The following CFAP299 variants were observed in gnomAD, a reference collection of about 807,000 sequenced individuals.
CFAP299 encodes cilia- and flagella-associated protein 299.
In CFAP299, 21 loss-of-function variants were observed where a neutral mutation model predicts 27.0. The ratio of observed to expected loss-of-function variants is 0.78; its 90% CI spans 0.55 to 1.12. CFAP299 has a LOEUF of 1.12. Among genes scored for constraint, CFAP299 ranks in the 50% most tolerant of loss-of-function variants. CFAP299 has a pLI of 0.00. For missense variants in CFAP299, 310 were observed against 276.6 expected (o/e 1.12, Z -0.86); for synonymous variants, 104 against 98.1 (o/e 1.06, Z -0.36).
At chr4:80,323,355 T>C in the CFAP299 span, among the ~76,000 whole-genome samples, 4 of 152,370 alleles carry the variant, frequency 2.6e-5, no homozygotes, top group East Asian at 1.9e-4. Flanking sequence ...CTATGACTTG[T>C]AGAAAGCTGT....
intron 3 of CFAP299, among the ~76,000 whole-genome samples, chr4:80,732,872 A>G (rs1723620277): frequency 6.6e-6 from 1 of 152,156 alleles, no homozygotes; most frequent in Non-Finnish European, 1.5e-5. Context: ...ATCTGCTGAG[A>G]GTAGTGAAAA....
chr4:80,507,687 C>A (rs542428703), intron 2 of CFAP299, among the ~76,000 whole-genome samples: 15 of 152,272 alleles, frequency 9.9e-5, no homozygotes, highest in African/African-American at 3.6e-4. Flanking sequence ...ACACGTGGAT[C>A]TGAGCAATCT....
intron 4 of CFAP299, among the ~76,000 whole-genome samples, chr4:80,881,461 CTA>C (rs1733702138): frequency 6.6e-6 from 1 of 152,100 alleles, no homozygotes. Context: ...TGGCACTGCT[CTA>C]TAAAATTGGA....
chr4:80,824,781 C>T (rs1360625384), intron 3 of CFAP299, among the ~76,000 whole-genome samples: 1 of 151,912 alleles, frequency 6.6e-6, no homozygotes, highest in Non-Finnish European at 1.5e-5. Context: ...CAAACAAAAA[C>T]AAAACCCCTG....
At chr4:80,739,612 C>T (rs565611201) in intron 3 of CFAP299, among the ~76,000 whole-genome samples, 11 of 151,570 alleles carry the variant, frequency 7.3e-5, no homozygotes, top group Non-Finnish European at 1.3e-4. Context: ...TTTTAGGTTC[C>T]TTTATTCATC....
chr4:80,636,887 G>A (rs931364219), intron 3 of CFAP299, among the ~76,000 whole-genome samples: 12 of 152,160 alleles, frequency 7.9e-5, no homozygotes, highest in Non-Finnish European at 1.5e-4. Context: ...TGTCCACCCC[G>A]AGTACAGAAA....
At chr4:80,494,092 A>G (rs959887963) in intron 2 of CFAP299, among the ~76,000 whole-genome samples, 9 of 152,070 alleles carry the variant, frequency 5.9e-5, no homozygotes, top group Non-Finnish European at 1.0e-4. Flanking sequence ...CATATTCTTG[A>G]AGTTAGCAGA....
chr4:80,423,967 C>T (rs185881139), intron 2 of CFAP299, among the ~76,000 whole-genome samples: 1 of 152,298 alleles, frequency 6.6e-6, no homozygotes, highest in African/African-American at 2.4e-5. Flanking sequence ...ACTCACCTTT[C>T]TGCAGGTGGT....
intron 4 of CFAP299, among the ~76,000 whole-genome samples, chr4:80,901,022 T>G (rs886281509): frequency 4.0e-5 from 6 of 151,856 alleles, no homozygotes; most frequent in African/African-American, 1.5e-4. Flanking sequence ...GGGTTTGCAA[T>G]AAAAAAGCTA....
intron 4 of CFAP299, among the ~76,000 whole-genome samples, chr4:80,930,642 A>G (rs773850890): frequency 2.0e-5 from 3 of 152,084 alleles, no homozygotes; most frequent in African/African-American, 4.8e-5. Flanking sequence ...GAAATCTTCT[A>G]TGTTGATTGT....
At chr4:80,631,732 T>A (rs1053489167) in intron 3 of CFAP299, among the ~76,000 whole-genome samples, 1 of 151,608 alleles carries the variant, frequency 6.6e-6, no homozygotes, top group African/African-American at 2.4e-5. Context: ...ATCTATGTCA[T>A]CATGTTTTGT....
chr4:80,666,642 C>G (rs1370563777), intron 3 of CFAP299, among the ~76,000 whole-genome samples: 1 of 152,192 alleles, frequency 6.6e-6, no homozygotes, highest in Non-Finnish European at 1.5e-5. Flanking sequence ...TTGACTCATT[C>G]AACATCATTT....
intron 2 of CFAP299, among the ~76,000 whole-genome samples, chr4:80,485,987 G>A (rs967204363): frequency 3.9e-5 from 6 of 151,966 alleles, no homozygotes; most frequent in African/African-American, 1.5e-4. Flanking sequence ...TAGAGTTGTG[G>A]TTTGGCTGCG....
chr4:80,702,046 A>G (rs1560707503), intron 3 of CFAP299, among the ~76,000 whole-genome samples: 2 of 151,932 alleles, frequency 1.3e-5, no homozygotes, highest in African/African-American at 4.8e-5. Flanking sequence ...CTGCCAGAAC[A>G]TATCTTTCCA....
intron 3 of CFAP299, among the ~76,000 whole-genome samples, chr4:80,860,667 G>T (rs950483265): frequency 6.6e-6 from 1 of 152,192 alleles, no homozygotes; most frequent in African/African-American, 2.4e-5. Context: ...GTTTGCTAGA[G>T]GTCCACTCCA....
intron 2 of CFAP299, among the ~76,000 whole-genome samples, chr4:80,514,549 C>A (rs1251615213): frequency 3.3e-5 from 5 of 151,880 alleles, no homozygotes; most frequent in African/African-American, 1.2e-4. Flanking sequence ...ACTGGCAAGC[C>A]CTTACCAAAT....
At chr4:80,601,087 T>C (rs1415106509) in intron 3 of CFAP299, among the ~76,000 whole-genome samples, 1 of 152,094 alleles carries the variant, frequency 6.6e-6, no homozygotes, top group East Asian at 1.9e-4. Context: ...TCCCAGATGG[T>C]TAGAGAGAAG....
At chr4:80,613,890 C>T (rs979372333) in intron 3 of CFAP299, among the ~76,000 whole-genome samples, 4 of 152,182 alleles carry the variant, frequency 2.6e-5, no homozygotes, top group African/African-American at 9.7e-5. Context: ...AGAAAACATA[C>T]ATCTCTCTTC....
chr4:80,339,840 C>A (rs1672449040), intron 1 of CFAP299, among the ~76,000 whole-genome samples: 1 of 152,078 alleles, frequency 6.6e-6, no homozygotes, highest in African/African-American at 2.4e-5. Context: ...ATAAAGGTGC[C>A]TATGACCACT....
Sources: gnomAD v4.1 joint callset for allele counts (sites outside exome capture counted in the v4.1 genomes callset) on GRCh38, gnomAD v4.1.1 for gene constraint, MANE v1.5 for transcripts, NCBI Gene and HGNC (gene_info 2026-07-23, HGNC 2026-07-21) for gene names.